EYA1: variants seen among roughly 807,000 people sequenced by gnomAD.
The protein encoded by EYA1 is protein phosphatase EYA1.
A neutral mutation model predicts 82.0 loss-of-function variants in EYA1; 16 were observed. The ratio of observed to expected loss-of-function variants is 0.20; its 90% CI spans 0.13 to 0.30. The LOEUF (loss-of-function observed/expected upper bound fraction) is 0.30, where lower values mean the gene tolerates loss of function less well. EYA1 is among the 10% of genes least tolerant of loss of function. The pLI, the probability that EYA1 is intolerant of heterozygous loss-of-function variation, is 1.00. For synonymous variants in EYA1, 261 were observed against 264.4 expected (o/e 0.99, Z 0.12); for missense variants, 633 against 730.7 (o/e 0.87, Z 1.54).
At chr8:71,278,491 G>A (rs1817453334) in intron 9 of EYA1, among the ~76,000 whole-genome samples, 1 of 152,170 alleles carries the variant, frequency 6.6e-6, no homozygotes, top group African/African-American at 2.4e-5. Flanking sequence ...ATCATACACA[G>A]AACAGTGCAT....
At chr8:71,380,899 C>T (rs1012341536) in intron 2 of EYA1, among the ~76,000 whole-genome samples, 1 of 152,244 alleles carries the variant, frequency 6.6e-6, no homozygotes, top group Non-Finnish European at 1.5e-5. Flanking sequence ...CTGTCCTCAA[C>T]CTCTGAGGGC....
At chr8:71,256,165 T>A (rs1383822733) in intron 11 of EYA1, among the ~76,000 whole-genome samples, 1 of 152,098 alleles carries the variant, frequency 6.6e-6, no homozygotes, top group Non-Finnish European at 1.5e-5. Flanking sequence ...TCTCAAAAAA[T>A]TAAGTATATA....
chr8:71,383,618 AC>A (rs1316571986), intron 2 of EYA1, among the ~76,000 whole-genome samples: 2 of 152,150 alleles, frequency 1.3e-5, no homozygotes, highest in African/African-American at 4.8e-5. Context: ...ATAATAGGTT[AC>A]TTTTTGCCTA....
At chr8:71,312,416 T>C (rs374295521) in intron 7 of EYA1, among the ~76,000 whole-genome samples, 1 of 152,214 alleles carries the variant, frequency 6.6e-6, no homozygotes, top group African/African-American at 2.4e-5. Context: ...ATGCATTCTT[T>C]AGCATTTTCA....
intron 16 of EYA1, 148 bp from the exon 17 acceptor site, chr8:71,211,404 G>T: frequency 1.5e-6 from 1 of 662,024 alleles, no homozygotes; most frequent in Non-Finnish European, 2.7e-6. Flanking sequence ...ATGCCACTTG[G>T]GTTGTATGTG....
intron 2 of EYA1, among the ~76,000 whole-genome samples, chr8:71,510,344 T>G (rs953039563): frequency 6.6e-6 from 1 of 152,138 alleles, no homozygotes; most frequent in African/African-American, 2.4e-5. Flanking sequence ...GAGCATGAGA[T>G]GTTGCAGTAA....
At chr8:71,263,728 A>G (rs548093494) in intron 11 of EYA1, among the ~76,000 whole-genome samples, 58 of 152,310 alleles carry the variant, frequency 3.8e-4, no homozygotes, top group African/African-American at 1.2e-3. Flanking sequence ...TTTGCAGGCC[A>G]TATCATCTCT....
At chr8:71,208,061 T>C (rs1396262285) in intron 17 of EYA1, among the ~76,000 whole-genome samples, 1 of 152,208 alleles carries the variant, frequency 6.6e-6, no homozygotes, top group East Asian at 1.9e-4. Context: ...CTAAAGACTA[T>C]GAATCAGTGA....
rs754190732 is a variant in EYA1 at position 71,334,194 on chromosome 8, A to G, written c.125-20T>C. On this transcript the variant is annotated intron_variant, in intron 3 of 17. Transcript: ENST00000340726. Reference sequence around the variant, plus strand: ...TTTTAACTACAAAAATAAACAACATACATCGATATTGAATTAATAGTTATT... The same window carrying G: ...TTTTAACTACAAAAATAAACAACATGCATCGATATTGAATTAATAGTTATT... 6.5e-7 allele frequency: 1 copy of G among 1,544,494 alleles called. No homozygotes were observed.
At chr8:71,225,413 C>A in intron 12 of EYA1, 1 of 405,942 alleles carries the variant, frequency 2.5e-6, no homozygotes, top group South Asian at 1.8e-5. Context: ...ATTTCCCTGG[C>A]CTTCACACCA....
At chr8:71,355,319 T>C (rs572373902) in intron 2 of EYA1, among the ~76,000 whole-genome samples, 1 of 152,322 alleles carries the variant, frequency 6.6e-6, no homozygotes, top group African/African-American at 2.4e-5. Context: ...AAAATGGAAA[T>C]AGATCACTCT....
At chr8:71,462,720 G>A (rs903005850) in intron 2 of EYA1, among the ~76,000 whole-genome samples, 4 of 152,182 alleles carry the variant, frequency 2.6e-5, no homozygotes, top group African/African-American at 9.7e-5. Flanking sequence ...TGGCAACAGG[G>A]GGCCAGGGTC....
At chr8:71,242,761 C>T (rs1327137539) in intron 12 of EYA1, among the ~76,000 whole-genome samples, 1 of 147,288 alleles carries the variant, frequency 6.8e-6, no homozygotes, top group East Asian at 1.9e-4. Flanking sequence ...ACTGTATAAG[C>T]AAGTTTTGGC....
intron 2 of EYA1, among the ~76,000 whole-genome samples, chr8:71,505,051 T>C (rs1187881066): frequency 6.6e-6 from 1 of 152,176 alleles, no homozygotes; most frequent in Non-Finnish European, 1.5e-5. Context: ...CTGCCCGCCT[T>C]GGCCTCCCAG....
intron 2 of EYA1, among the ~76,000 whole-genome samples, chr8:71,387,157 G>A (rs1829014275): frequency 6.6e-6 from 1 of 152,180 alleles, no homozygotes; most frequent in Non-Finnish European, 1.5e-5. Flanking sequence ...TAGAGGAAAA[G>A]ATTTTGGGAG....
At chr8:71,469,226 AAT>A (rs1358416698) in intron 2 of EYA1, among the ~76,000 whole-genome samples, 2 of 152,144 alleles carry the variant, frequency 1.3e-5, no homozygotes, top group African/African-American at 4.8e-5. Flanking sequence ...ACTATAAACA[AAT>A]AGTTATATTT....
chr8:71,463,133 C>T (rs576716472), intron 2 of EYA1, among the ~76,000 whole-genome samples: 2 of 152,242 alleles, frequency 1.3e-5, no homozygotes, highest in South Asian at 4.2e-4. Context: ...CTGGTGTGTA[C>T]AGAACATCTC....
intron 2 of EYA1, among the ~76,000 whole-genome samples, chr8:71,445,007 T>A (rs1806759053): frequency 6.6e-6 from 1 of 152,212 alleles, no homozygotes; most frequent in Non-Finnish European, 1.5e-5. Flanking sequence ...TCAGACCCTA[T>A]CAAAAAACTC....
chr8:71,491,567 T>G (rs1810999840), intron 2 of EYA1, among the ~76,000 whole-genome samples: 1 of 152,170 alleles, frequency 6.6e-6, no homozygotes, highest in Admixed American at 6.5e-5. Flanking sequence ...AAGAGGAGAT[T>G]AGAACACAGA....
Sources: gnomAD v4.1 joint callset for allele counts (sites outside exome capture counted in the v4.1 genomes callset) on GRCh38, gnomAD v4.1.1 for gene constraint, MANE v1.5 for transcripts, NCBI Gene and HGNC (gene_info 2026-07-23, HGNC 2026-07-21) for gene names.